NACC2: variants seen among roughly 807,000 people sequenced by gnomAD.
NACC2 encodes the protein NACC family member 2, also known as nucleus accumbens-associated protein 2.
A neutral mutation model predicts 25.1 loss-of-function variants in NACC2; 8 were observed. The ratio of observed to expected loss-of-function variants is 0.32; its 90% CI spans 0.19 to 0.57. The LOEUF is 0.57. NACC2 is among the 20% of genes least tolerant of loss of function. The pLI is 0.89. For missense variants in NACC2, 644 were observed against 650.2 expected (o/e 0.99, Z 0.10); for synonymous variants, 435 against 294.7 (o/e 1.48, Z -4.88).
Position 136,086,646 on chromosome 9 carries a change from C to T in NACC2, c.-60+8543G>A, listed in dbSNP as rs1184958160. On this transcript the variant is annotated intron_variant, in intron 1 of 5. Transcript: ENST00000277554. This position sits in a 1 kb window ranked among gnomAD's most constrained non-coding sequence, Gnocchi z 5.6. ...CTAAACTGGGTTACAATAATTAACA[C>T]GAATCCTGTTCCCAAACTTACATAA... Among the ~76,000 whole-genome samples, 1 of 152,202 alleles carries T rather than the reference C, an allele frequency of 6.6e-6. No individual in the cohort carries two copies. Among genetic ancestry groups the T allele is most frequent in the Non-Finnish European group, 1.5e-5 (1 of 68,044 alleles).
At chr9:136,032,712 C>A (rs752911225) in intron 2 of NACC2, among the ~76,000 whole-genome samples, 2 of 152,196 alleles carry the variant, frequency 1.3e-5, no homozygotes, top group Non-Finnish European at 2.9e-5. Flanking sequence ...GCCCATCCAA[C>A]ATGGTGAAAC....
chr9:136,068,701 A>T (rs1175024266), intron 1 of NACC2, among the ~76,000 whole-genome samples: 1 of 151,686 alleles, frequency 6.6e-6, no homozygotes, highest in Non-Finnish European at 1.5e-5. Flanking sequence ...TATGGCATGT[A>T]AACTGTCTCA....
Position 136,086,208 on chromosome 9 carries a change from A to T in NACC2, c.-60+8981T>A, listed in dbSNP as rs1485381901. 6.6e-6 allele frequency among the ~76,000 whole-genome samples: 1 copy of T among 152,218 alleles called. No individual in the cohort carries two copies. The highest frequency in any genetic ancestry group is 1.5e-5 in the Non-Finnish European group (1 of 68,032). On this transcript the variant is annotated intron_variant, in intron 1 of 5. Transcript: ENST00000277554. This position sits in a 1 kb window ranked among gnomAD's most constrained non-coding sequence, Gnocchi z 5.6. ...TGGCCAGGACCCTCCATGGGCCTTC[A>T]GAGCAGCAAAGCGCAGTGCCTGCCT...
chr9:136,093,050 GT>G, intron 1 of NACC2, among the ~76,000 whole-genome samples: 1 of 152,278 alleles, frequency 6.6e-6, no homozygotes, highest in East Asian at 1.9e-4. Context: ...TGCCCTGTGC[GT>G]TCCAGGGACA....
At chr9:136,068,186 C>T (rs1485632510) in intron 1 of NACC2, among the ~76,000 whole-genome samples, 1 of 152,086 alleles carries the variant, frequency 6.6e-6, no homozygotes, top group Non-Finnish European at 1.5e-5. Context: ...GGCTACACTA[C>T]ATTTATCTTT....
intron 1 of NACC2, among the ~76,000 whole-genome samples, chr9:136,092,425 G>A (rs909445073): frequency 1.3e-5 from 2 of 152,156 alleles, no homozygotes; most frequent in South Asian, 4.1e-4. Context: ...TGCATCAGAC[G>A]GCGGCTCAGG....
intron 1 of NACC2, among the ~76,000 whole-genome samples, chr9:136,090,862 A>G (rs932415615): frequency 2.2e-5 from 2 of 91,216 alleles, no homozygotes; most frequent in African/African-American, 6.8e-5. Context: ...GCATCTCTGC[A>G]GCATGGCTTT....
intron 1 of NACC2, among the ~76,000 whole-genome samples, chr9:136,063,713 T>C (rs1216813841): frequency 6.6e-6 from 1 of 151,736 alleles, no homozygotes; most frequent in Non-Finnish European, 1.5e-5. Context: ...TGAAATCCCA[T>C]CTCTACTAAA....
At position 136,019,265 on chromosome 9, in the gene NACC2, C is replaced by G. The variant is rs1281257970; in HGVS notation, c.887-2836G>C. 1.4e-4 allele frequency: 21 copies of G among 152,250 alleles called. No homozygotes were observed. Among genetic ancestry groups the G allele is most frequent in the Admixed American group, 1.4e-3 (21 of 15,288 alleles). 9.4% of individuals were successfully genotyped at this position (152,250 alleles called of 1,614,324 possible). A position where few individuals can be genotyped will look rare whatever the true frequency, so the allele number is the denominator to read the frequency against. ...TCATGGCAGAGACAGGACGGCTCATCCCTCGTGGCCCCCGGAAGGGCCATT... is the reference window on the plus strand; with the variant it reads ...TCATGGCAGAGACAGGACGGCTCATGCCTCGTGGCCCCCGGAAGGGCCATT... On this transcript the variant is annotated intron_variant, in intron 2 of 5. Coordinates refer to ENST00000277554, the MANE Select transcript of NACC2 (RefSeq NM_144653.5). The surrounding 1 kb of genome is among the most constrained non-coding windows in gnomAD (Gnocchi z 5.2).
intron 1 of NACC2, among the ~76,000 whole-genome samples, chr9:136,053,029 G>A (rs1407250499): frequency 6.6e-6 from 1 of 152,250 alleles, no homozygotes; most frequent in Non-Finnish European, 1.5e-5. Context: ...CCACCCAAAA[G>A]AAGGGGCAGG....
chr9:136,015,432 G>A (rs1254774705), intron 3 of NACC2, among the ~76,000 whole-genome samples: 1 of 152,200 alleles, frequency 6.6e-6, no homozygotes, highest in Non-Finnish European at 1.5e-5. Flanking sequence ...TGCAGCCCAG[G>A]AGGCCACTCT....
rs1840803492 is a variant in NACC2, at chr9:136,050,393, G to A, written c.129C>T (p.Ala43=). 1 of 758,846 alleles carries A rather than the reference G, an allele frequency of 1.3e-6. No homozygotes were observed. The highest frequency in any genetic ancestry group is 2.4e-6 in the Non-Finnish European group (1 of 413,656). The allele number at this position is 758,846 out of a possible 1,614,324, so 47.0% of individuals were successfully genotyped here. ...TGCTGGCGGCCAGCACCGCCCGGTG[G>A]GCCTTGAAGGCCTGGCCCTTGACCA... ...SIVVKGQAFK[A]HRAVLAASSL... is the part of the protein sequence containing the mutation. Residue 43 remains alanine, a synonymous_variant, in exon 2 of 6, where the codon GCC becomes GCT. Coordinates refer to ENST00000277554, the MANE Select transcript of NACC2 (RefSeq NM_144653.5).
chr9:136,031,866 C>A (rs1437510584), intron 2 of NACC2, among the ~76,000 whole-genome samples: 1 of 152,244 alleles, frequency 6.6e-6, no homozygotes, highest in African/African-American at 2.4e-5. Flanking sequence ...CAGGCCCTGG[C>A]TCTGCATTCC....
Position 136,013,147 on chromosome 9 carries a change from G to T in NACC2, c.1255+52C>A. 6.8e-7 allele frequency: 1 copy of T among 1,467,276 alleles called. No individual in the cohort carries two copies. Among genetic ancestry groups the T allele is most frequent in the South Asian group, 1.2e-5 (1 of 85,978 alleles). The allele number at this position is 1,467,276 out of a possible 1,614,324, so 90.9% of individuals were successfully genotyped here. A position where few individuals can be genotyped will look rare whatever the true frequency, so the allele number is the denominator to read the frequency against. On this transcript the variant is annotated intron_variant, in intron 5 of 5. Transcript: ENST00000277554. This position sits in a 1 kb window ranked among gnomAD's most constrained non-coding sequence, Gnocchi z 6.6. ...GCCCACCCAGTCCTCCTCAGGCTGG[G>T]ATCTGAACCCAGCCCCGGCCCCACC... is the stretch of plus-strand genomic sequence containing the variant.
intron 2 of NACC2, among the ~76,000 whole-genome samples, chr9:136,024,569 AGTGT>A (rs1840359142): frequency 6.7e-6 from 1 of 150,310 alleles, no homozygotes; most frequent in Non-Finnish European, 1.5e-5. Flanking sequence ...GTAAGGACAG[AGTGT>A]GTGTGTAAGG....
chr9:136,059,269 C>T (rs948314298), intron 1 of NACC2, among the ~76,000 whole-genome samples: 4 of 152,312 alleles, frequency 2.6e-5, no homozygotes, highest in African/African-American at 7.2e-5. Context: ...CAGAGCCACA[C>T]GCACAGGGGC....
chr9:136,064,191 A>AG (rs146079614), intron 1 of NACC2, among the ~76,000 whole-genome samples: 38,950 of 152,018 alleles, frequency 0.26, 6,382 homozygotes, highest in Non-Finnish European at 0.36. Context: ...CAGGAGGCTG[A>AG]GGGGGGAGAA....
At position 136,067,566 on chromosome 9, in the gene NACC2, G is replaced by A. The variant is rs143468635; in HGVS notation, c.-59-16986C>T. On this transcript the variant is annotated intron_variant, in intron 1 of 5. Transcript: ENST00000277554. ...AAACGATGCTCGATGGGCCGGGCGC[G>A]GTGGCTCACGCCTGTAATCCCAGCA... Among the ~76,000 whole-genome samples the A allele has an allele frequency of 2.0e-4, 31 of 152,148 alleles. No individual in the cohort carries two copies. The East Asian group carries it at 3.7e-3, about 18-fold the overall frequency.
intron 1 of NACC2, among the ~76,000 whole-genome samples, chr9:136,077,422 G>A (rs1830274567): frequency 6.6e-6 from 1 of 152,178 alleles, no homozygotes; most frequent in Non-Finnish European, 1.5e-5. Context: ...GGGCACAAAG[G>A]ACATTGTTGA....
Sources: allele counts gnomAD v4.1 joint callset (sites outside exome capture counted in the v4.1 genomes callset), GRCh38; gene constraint gnomAD v4.1.1; non-coding constraint Gnocchi (gnomAD v3.1); transcripts MANE v1.5; gene names NCBI Gene and HGNC (gene_info 2026-07-23, HGNC 2026-07-21).